The following HIVEP3 variants were observed in gnomAD, a reference collection of about 807,000 sequenced individuals.
HIVEP3 encodes the protein HIVEP zinc finger 3, also known as transcription factor HIVEP3.
Under a neutral mutation model 152.8 loss-of-function variants are expected in HIVEP3, and 49 were observed. The observed-to-expected ratio is 0.32, with a 90% confidence interval of 0.26 to 0.41. The LOEUF (loss-of-function observed/expected upper bound fraction) is 0.41, where lower values mean the gene tolerates loss of function less well. HIVEP3 is among the 10% of genes least tolerant of loss of function. The pLI, the probability that HIVEP3 is intolerant of heterozygous loss-of-function variation, is 1.00. For missense variants in HIVEP3, 2,790 were observed against 3,103.3 expected (o/e 0.90, Z 2.40); for synonymous variants, 1,269 against 1,289.0 (o/e 0.98, Z 0.33).
At chr1:41,820,763 G>A (rs1406681001) in intron 1 of HIVEP3, among the ~76,000 whole-genome samples, 2 of 152,246 alleles carry the variant, frequency 1.3e-5, no homozygotes, top group Non-Finnish European at 2.9e-5. Flanking sequence ...CCATTAAAAT[G>A]TTAGCTCCAC....
intron 2 of HIVEP3, among the ~76,000 whole-genome samples, chr1:41,670,663 G>A (rs1645861727): frequency 6.6e-6 from 1 of 152,244 alleles, no homozygotes; most frequent in Non-Finnish European, 1.5e-5. Context: ...AACCAGGAAT[G>A]CAGGGGTGGG....
chr1:41,521,579 C>T (rs1328091791), intron 6 of HIVEP3, among the ~76,000 whole-genome samples: 1 of 152,232 alleles, frequency 6.6e-6, no homozygotes, highest in Non-Finnish European at 1.5e-5. Flanking sequence ...ACAGCCTGAA[C>T]ACCACTTCCC....
chr1:41,729,272 G>A (rs1438101411), intron 1 of HIVEP3, among the ~76,000 whole-genome samples: 1 of 152,222 alleles, frequency 6.6e-6, no homozygotes, highest in East Asian at 1.9e-4. Flanking sequence ...CCAACATTAT[G>A]TTGTGAAGAA....
At chr1:41,697,384 G>C (rs1245722312) in intron 2 of HIVEP3, among the ~76,000 whole-genome samples, 1 of 152,222 alleles carries the variant, frequency 6.6e-6, no homozygotes, top group Non-Finnish European at 1.5e-5. Context: ...CATTCAGAAA[G>C]CAACTCCTTA....
At chr1:41,823,551 G>A (rs1356630718) in intron 1 of HIVEP3, among the ~76,000 whole-genome samples, 1 of 152,318 alleles carries the variant, frequency 6.6e-6, no homozygotes, top group South Asian at 2.1e-4. Flanking sequence ...GAAAGAAGGC[G>A]GAGTCCCTGA....
intron 1 of HIVEP3, among the ~76,000 whole-genome samples, chr1:41,891,106 C>T (rs1447668999): frequency 6.6e-6 from 1 of 152,110 alleles, no homozygotes; most frequent in Admixed American, 6.5e-5. Flanking sequence ...AGAAGGACTG[C>T]CCTGCTTTAG....
At chr1:41,815,588 C>T (rs573226185) in intron 1 of HIVEP3, among the ~76,000 whole-genome samples, 26 of 152,256 alleles carry the variant, frequency 1.7e-4, no homozygotes, top group African/African-American at 5.8e-4. Flanking sequence ...GGGACCTAGA[C>T]AGTTCAAAGG....
intron 2 of HIVEP3, among the ~76,000 whole-genome samples, chr1:41,697,637 TCA>T (rs1225681929): frequency 6.6e-6 from 1 of 152,170 alleles, no homozygotes; most frequent in Non-Finnish European, 1.5e-5. Flanking sequence ...GTCTAAACTC[TCA>T]GTCTTCCAGT....
chr1:41,954,350 CTTTGT>C (rs1645128070), intron 1 of HIVEP3, among the ~76,000 whole-genome samples: 1 of 152,198 alleles, frequency 6.6e-6, no homozygotes, highest in Admixed American at 6.5e-5. Flanking sequence ...GACAGTAAGC[CTTTGT>C]TTTGCTGATT....
intron 2 of HIVEP3, among the ~76,000 whole-genome samples, chr1:41,642,047 C>A (rs1645381733): frequency 6.6e-6 from 1 of 152,180 alleles, no homozygotes; most frequent in Non-Finnish European, 1.5e-5. Flanking sequence ...CAGGGCCTGG[C>A]CCAAAGCCTC....
At chr1:41,657,619 A>G (rs1645648519) in intron 2 of HIVEP3, among the ~76,000 whole-genome samples, 1 of 152,178 alleles carries the variant, frequency 6.6e-6, no homozygotes, top group Non-Finnish European at 1.5e-5. Flanking sequence ...GTTGTTGTTT[A>G]TGGTTCACCT....
intron 1 of HIVEP3, among the ~76,000 whole-genome samples, chr1:41,890,803 G>A (rs1644434222): frequency 6.6e-6 from 1 of 152,236 alleles, no homozygotes; most frequent in African/African-American, 2.4e-5. Context: ...TGAGAAATGT[G>A]AGGCCTGTTA....
chr1:42,001,521 C>G (rs1238023004), intron 1 of HIVEP3, among the ~76,000 whole-genome samples: 1 of 152,152 alleles, frequency 6.6e-6, no homozygotes, highest in East Asian at 1.9e-4. Context: ...CTTAGGAGAG[C>G]CATAAGAGCT....
intron 2 of HIVEP3, among the ~76,000 whole-genome samples, chr1:41,658,001 TCAGA>T (rs1230529231): frequency 6.6e-6 from 1 of 152,170 alleles, no homozygotes; most frequent in East Asian, 1.9e-4. Flanking sequence ...GACTCTCTGA[TCAGA>T]CAATCAGGGT....
intron 1 of HIVEP3, among the ~76,000 whole-genome samples, chr1:41,727,565 G>A (rs1360782032): frequency 6.6e-6 from 1 of 152,264 alleles, no homozygotes; most frequent in African/African-American, 2.4e-5. Context: ...CAAAGAAAAC[G>A]AGAGTGTCCA....
chr1:41,513,046 T>C lies in HIVEP3; in HGVS notation c.6175A>G (p.Thr2059Ala). 3 of 1,613,760 alleles carry C rather than the reference T, an allele frequency of 1.9e-6. No individual in the cohort carries two copies. Among genetic ancestry groups the C allele is most frequent in the Non-Finnish European group, 2.5e-6 (3 of 1,179,946 alleles). ...AHVLSKLEGT[T>A]DPGLPRYSPT... ...GAGTATCTGGGGAGGCCTGGGTCGG[T>C]GGTACCCTCGAGTTTGGAGAGCACA... is the stretch of plus-strand genomic sequence containing the variant. The change falls in exon 8 of 9, where the codon ACC becomes GCC. Residue 2059 changes from threonine (T) to alanine (A), a missense_variant. Around this residue, in one of 9 missense-constraint regions of HIVEP3, gnomAD observed 816 missense variants for 806.5 expected, o/e 1.01. Transcript: ENST00000372583.
chr1:41,985,200 T>C (rs1645315201), intron 1 of HIVEP3, among the ~76,000 whole-genome samples: 1 of 151,974 alleles, frequency 6.6e-6, no homozygotes, highest in African/African-American at 2.4e-5. Flanking sequence ...GAGAAGAGGA[T>C]GGATTGTAGT....
At chr1:41,691,775 T>G (rs1167191570) in intron 2 of HIVEP3, among the ~76,000 whole-genome samples, 2 of 152,254 alleles carry the variant, frequency 1.3e-5, no homozygotes, top group Non-Finnish European at 2.9e-5. Context: ...TTGATCCTCT[T>G]TATTCATAGA....
chr1:41,963,462 G>A (rs1168660004), intron 1 of HIVEP3, among the ~76,000 whole-genome samples: 1 of 150,394 alleles, frequency 6.6e-6, no homozygotes, highest in African/African-American at 2.4e-5. Flanking sequence ...GGTGGGAATT[G>A]AACAGTGAGA....
Sources: allele counts gnomAD v4.1 joint callset (sites outside exome capture counted in the v4.1 genomes callset), GRCh38; gene constraint gnomAD v4.1.1; regional missense constraint gnomAD v4.1.1; transcripts MANE v1.5; gene names NCBI Gene and HGNC (gene_info 2026-07-23, HGNC 2026-07-21).